Variants in CDH13 observed in about 807,000 individuals in gnomAD.
CDH13 encodes cadherin 13, also known as cadherin-13.
A neutral mutation model predicts 63.8 loss-of-function variants in CDH13; 24 were observed. The observed-to-expected ratio is 0.38, with a 90% confidence interval of 0.27 to 0.53. The LOEUF is 0.53. CDH13 is among the 20% of genes least tolerant of loss of function. The probability of loss-of-function intolerance (pLI) is 0.85; values close to 1 mark genes in which losing one functional copy is unlikely to be tolerated. For missense variants in CDH13, 1,049 were observed against 903.1 expected (o/e 1.16, Z -2.07); for synonymous variants, 503 against 355.3 (o/e 1.42, Z -4.67).
At chr16:83,767,906 C>G (rs1239794207) in intron 11 of CDH13, among the ~76,000 whole-genome samples, 1 of 151,864 alleles carries the variant, frequency 6.6e-6, no homozygotes, top group Non-Finnish European at 1.5e-5. Flanking sequence ...ATGAAATGTT[C>G]TAAAAGTAGG....
chr16:83,039,501 T>G (rs77305747), intron 3 of CDH13, among the ~76,000 whole-genome samples: 19 of 152,302 alleles, frequency 1.2e-4, no homozygotes, highest in Non-Finnish European at 2.4e-4. Context: ...CTTCCTAGGC[T>G]TCTTCTCAAT....
At chr16:82,665,792 T>C (rs1308619757) in intron 1 of CDH13, among the ~76,000 whole-genome samples, 1 of 152,052 alleles carries the variant, frequency 6.6e-6, no homozygotes, top group African/African-American at 2.4e-5. Context: ...TAGCCTAACC[T>C]ACTTTATATG....
chr16:83,610,540 C>A (rs932157064), intron 8 of CDH13, among the ~76,000 whole-genome samples: 2 of 152,268 alleles, frequency 1.3e-5, no homozygotes, highest in Admixed American at 6.5e-5. Flanking sequence ...CCTCTCCTGA[C>A]GTCTTTCACT....
At position 82,637,428 on chromosome 16, in the gene CDH13, CTTT is replaced by C. The variant is rs573088098; in HGVS notation, c.45+10309_45+10311del. Reference sequence around the variant, plus strand: ...GCTGAGGTCTGTACAGTTACTGTGCCTTTTTTTTTTTTTTTTTTTTGAGACGGA... The same window carrying C: ...GCTGAGGTCTGTACAGTTACTGTGCCTTTTTTTTTTTTTTTTTGAGACGGA... On this transcript the variant is annotated intron_variant, in intron 1 of 13. Coordinates refer to ENST00000567109, the MANE Select transcript of CDH13 (RefSeq NM_001257.5). 5.8e-4 allele frequency among the ~76,000 whole-genome samples: 47 copies of C among 81,648 alleles called. 1 individual carries two copies. Among genetic ancestry groups the C allele is most frequent in the East Asian group, 1.8e-3 (5 of 2,838 alleles). 53.6% of individuals were successfully genotyped at this position (81,648 alleles called of 152,430 possible). A position where few individuals can be genotyped will look rare whatever the true frequency, so the allele number is the denominator to read the frequency against.
chr16:82,859,755 C>G (rs1437849926), intron 2 of CDH13: 1 of 150,438 alleles, frequency 6.6e-6, no homozygotes, highest in African/African-American at 2.4e-5. Flanking sequence ...AAAAAGCACA[C>G]TTGACTGGAT....
At chr16:83,058,932 C>T (rs2031236641) in intron 3 of CDH13, among the ~76,000 whole-genome samples, 1 of 152,094 alleles carries the variant, frequency 6.6e-6, no homozygotes, top group African/African-American at 2.4e-5. Flanking sequence ...ACTGGTGGAA[C>T]CTCTTGTTAT....
At chr16:83,022,640 G>C (rs1014711025) in intron 2 of CDH13, among the ~76,000 whole-genome samples, 3 of 152,146 alleles carry the variant, frequency 2.0e-5, no homozygotes, top group African/African-American at 4.8e-5. Context: ...ATCTGTCTGG[G>C]GGAGGGCTAC....
At chr16:83,356,212 A>ATGTGTGTGTGTGTGTG (rs10525181) in intron 6 of CDH13, among the ~76,000 whole-genome samples, 4 of 138,762 alleles carry the variant, frequency 2.9e-5, no homozygotes, top group East Asian at 5.2e-4. Flanking sequence ...ATTTATTTTC[A>ATGTGTGTGTGTGTGTG]TGTGTGTGTG....
chr16:82,868,117 G>A (rs2040215207), intron 2 of CDH13, among the ~76,000 whole-genome samples: 1 of 152,226 alleles, frequency 6.6e-6, no homozygotes, highest in African/African-American at 2.4e-5. Context: ...AGTCTGGACA[G>A]AGCTGGACAA....
intron 1 of CDH13, among the ~76,000 whole-genome samples, chr16:82,723,454 G>A (rs962351513): frequency 6.6e-6 from 1 of 152,094 alleles, no homozygotes; most frequent in East Asian, 1.9e-4. Flanking sequence ...ACTGGATTCT[G>A]GTCTGTGGGA....
chr16:82,981,128 A>G (rs1910204518), intron 2 of CDH13, among the ~76,000 whole-genome samples: 1 of 152,180 alleles, frequency 6.6e-6, no homozygotes, highest in Non-Finnish European at 1.5e-5. Context: ...AATATTTTCC[A>G]TTGAGCTGTT....
intron 7 of CDH13, among the ~76,000 whole-genome samples, chr16:83,551,056 A>ATATATATC (rs1555571867): frequency 6.7e-6 from 1 of 148,354 alleles, no homozygotes. Flanking sequence ...TAAGTCATTT[A>ATATATATC]TATCTATCTA....
At chr16:82,996,284 C>G (rs374696412) in intron 2 of CDH13, among the ~76,000 whole-genome samples, 26 of 152,210 alleles carry the variant, frequency 1.7e-4, no homozygotes, top group African/African-American at 6.3e-4. Context: ...AGAGTAAACC[C>G]TCTTCCTCTC....
At chr16:83,045,633 TTAAAA>T (rs1357543696) in intron 3 of CDH13, among the ~76,000 whole-genome samples, 3 of 84,502 alleles carry the variant, frequency 3.6e-5, no homozygotes, top group African/African-American at 1.3e-4. Flanking sequence ...CAAGATTCCT[TTAAAA>T]AAAAAAAAAA....
intron 8 of CDH13, among the ~76,000 whole-genome samples, chr16:83,611,365 C>T (rs375311026): frequency 1.3e-5 from 2 of 151,898 alleles, no homozygotes; most frequent in East Asian, 3.9e-4. Flanking sequence ...GGATATGAAA[C>T]TATGTATATT....
chr16:83,236,927 C>G (rs913610939), intron 5 of CDH13, among the ~76,000 whole-genome samples: 1 of 151,858 alleles, frequency 6.6e-6, no homozygotes. Flanking sequence ...CTAAACATGA[C>G]TTTAAAAATG....
At chr16:82,933,922 C>T (rs149076651) in intron 2 of CDH13, among the ~76,000 whole-genome samples, 1,562 of 152,322 alleles carry the variant, frequency 0.01, 20 homozygotes, top group African/African-American at 0.035. Flanking sequence ...TGTGGCTTTG[C>T]AGGGTACAGC....
chr16:82,827,165 A>C (rs1427496495), intron 1 of CDH13, among the ~76,000 whole-genome samples: 1 of 152,226 alleles, frequency 6.6e-6, no homozygotes, highest in Admixed American at 6.5e-5. Flanking sequence ...TTAATATAGT[A>C]AAATGTAGTT....
At chr16:83,016,350 G>A (rs1914793508) in intron 2 of CDH13, among the ~76,000 whole-genome samples, 1 of 152,192 alleles carries the variant, frequency 6.6e-6, no homozygotes, top group South Asian at 2.1e-4. Context: ...TGCAATTAGG[G>A]AGGAGGTAAA....
Sources: gnomAD v4.1 joint callset for allele counts (sites outside exome capture counted in the v4.1 genomes callset) on GRCh38, gnomAD v4.1.1 for gene constraint, MANE v1.5 for transcripts, NCBI Gene and HGNC (gene_info 2026-07-23, HGNC 2026-07-21) for gene names.